ST3GAL5: variants seen among roughly 807,000 people sequenced by gnomAD.
The protein encoded by ST3GAL5 is lactosylceramide alpha-2,3-sialyltransferase.
Under a neutral mutation model 46.1 loss-of-function variants are expected in ST3GAL5, and 25 were observed. The ratio of observed to expected loss-of-function variants is 0.54; its 90% CI spans 0.40 to 0.76. ST3GAL5 has a LOEUF of 0.76. Ranked by LOEUF, ST3GAL5 falls within the 30% of genes least tolerant of loss-of-function variation. The pLI, the probability that ST3GAL5 is intolerant of heterozygous loss-of-function variation, is 0.00. For synonymous variants in ST3GAL5, 182 were observed against 192.7 expected (o/e 0.94, Z 0.46); for missense variants, 431 against 521.2 (o/e 0.83, Z 1.69).
chr2:85,875,296 G>A (rs1053211597), intron 1 of ST3GAL5: 4 of 150,802 alleles, frequency 2.7e-5, no homozygotes, highest in Non-Finnish European at 5.9e-5. Flanking sequence ...CTGGCCCCAA[G>A]CAATCCTCCC....
At chr2:85,860,941 G>T in intron 3 of ST3GAL5, 1 of 514,016 alleles carries the variant, frequency 1.9e-6, no homozygotes, top group African/African-American at 1.9e-5. Context: ...CTGTTGGGTT[G>T]AGCCCACCTC....
intron 1 of ST3GAL5, among the ~76,000 whole-genome samples, chr2:85,885,689 G>C (rs1405150043): frequency 6.6e-6 from 1 of 152,102 alleles, no homozygotes; most frequent in African/African-American, 2.4e-5. Flanking sequence ...TTAGCCGGGC[G>C]AGGTGGCAGG....
intron 4 of ST3GAL5, chr2:85,846,866 C>T (rs937806951): frequency 6.6e-6 from 2 of 302,962 alleles, no homozygotes; most frequent in African/African-American, 4.3e-5. Context: ...AGTAAAATAT[C>T]CTCAGAAATT....
intron 1 of ST3GAL5, chr2:85,887,398 C>A: frequency 6.6e-6 from 1 of 152,300 alleles, no homozygotes. Context: ...TCATGCCTTC[C>A]TATCTCACCT....
intron 3 of ST3GAL5, among the ~76,000 whole-genome samples, chr2:85,852,158 T>C (rs1159376564): frequency 6.6e-6 from 1 of 152,234 alleles, no homozygotes; most frequent in Non-Finnish European, 1.5e-5. Flanking sequence ...AATGTTCTAT[T>C]GCACTTATTA....
chr2:85,887,477 AC>A (rs1460866276), intron 1 of ST3GAL5: 2 of 152,202 alleles, frequency 1.3e-5, no homozygotes, highest in African/African-American at 4.8e-5. Flanking sequence ...ATTTCATCTT[AC>A]AAAAACAGCA....
In ST3GAL5 at chr2:85,888,880, G is replaced by C. The variant is rs1297672649; in HGVS notation, c.26C>G (p.Ala9Gly). Residue 9 changes from alanine (A) to glycine (G), a missense_variant, in exon 1 of 7, where the codon GCG (alanine) becomes GGG (glycine). Coordinates refer to ENST00000638572, the MANE Select transcript of ST3GAL5 (RefSeq NM_003896.4). MRTKAAGC[A>G]ERRPLQPRTE... ...CCGCGGCTGCAGGGGACGCCGCTCC[G>C]CGCAGCCCGCCGCCTTCGTCCGCAT... The C allele has an allele frequency of 1.5e-6, 2 of 1,372,058 alleles. No individual in the cohort carries two copies. The highest frequency in any genetic ancestry group is 1.9e-6 in the Non-Finnish European group (2 of 1,055,552). 85.0% of individuals were successfully genotyped at this position (1,372,058 alleles called of 1,614,324 possible). A position where few individuals can be genotyped will look rare whatever the true frequency, so the allele number is the denominator to read the frequency against.
Position 85,852,742 on chromosome 2 carries a change from G to T in ST3GAL5, c.319-4538C>A. 6 of 535,602 alleles carry T rather than the reference G, an allele frequency of 1.1e-5. 1 individual carries two copies. The highest frequency in any genetic ancestry group is 7.6e-5 in the South Asian group (4 of 52,482). The allele number at this position is 535,602 out of a possible 1,614,324, so 33.2% of individuals were successfully genotyped here. A position where few individuals can be genotyped will look rare whatever the true frequency, so the allele number is the denominator to read the frequency against. On this transcript the variant is annotated intron_variant, in intron 3 of 6. Coordinates refer to ENST00000638572, the MANE Select transcript of ST3GAL5 (RefSeq NM_003896.4). ...TTATGTAGATTTCATCCCATCAACTGTTAGAAAAAAAAATAATCAGGAGAT... is the reference window on the plus strand; with the variant it reads ...TTATGTAGATTTCATCCCATCAACTTTTAGAAAAAAAAATAATCAGGAGAT...
Position 85,864,980 on chromosome 2 carries a change from T to C in ST3GAL5, c.83-1495A>G, listed in dbSNP as rs143009576. On this transcript the variant is annotated intron_variant, in intron 1 of 6. Transcript: ENST00000638572. The stretch of plus-strand genomic sequence containing the variant: ...TGCCTCCTGACTGAAATATGGACCA[T>C]GATCTGCCACTCTGGACCACACAGA... Among the ~76,000 whole-genome samples, 13 of 152,274 alleles carry C rather than the reference T, an allele frequency of 8.5e-5. 1 individual carries two copies. The East Asian group carries it at 2.5e-3, about 29-fold the overall frequency.
chr2:85,881,925 C>G (rs912235816), intron 1 of ST3GAL5, among the ~76,000 whole-genome samples: 4 of 152,238 alleles, frequency 2.6e-5, no homozygotes, highest in East Asian at 1.9e-4. Flanking sequence ...TCACAGCAGT[C>G]CCTCCCATCA....
intron 1 of ST3GAL5, among the ~76,000 whole-genome samples, chr2:85,873,434 T>C (rs1686172539): frequency 6.6e-6 from 1 of 151,956 alleles, no homozygotes; most frequent in Admixed American, 6.6e-5. Flanking sequence ...GAAGGGGACA[T>C]GAAACGTGGA....
chr2:85,874,298 C>T (rs1180692172), intron 1 of ST3GAL5, among the ~76,000 whole-genome samples: 3 of 152,156 alleles, frequency 2.0e-5, no homozygotes, highest in African/African-American at 7.2e-5. Flanking sequence ...ACTATATGAA[C>T]ATTCTCTAAA....
chr2:85,887,699 T>A (rs1687903702), intron 1 of ST3GAL5: 1 of 152,298 alleles, frequency 6.6e-6, no homozygotes, highest in Non-Finnish European at 1.5e-5. Context: ...TATTCAAGTC[T>A]GTGCCCCTTC....
intron 3 of ST3GAL5, among the ~76,000 whole-genome samples, chr2:85,857,680 C>A (rs772747866): frequency 1.3e-5 from 2 of 152,114 alleles, no homozygotes; most frequent in Non-Finnish European, 1.5e-5. Flanking sequence ...GGAACCAAGT[C>A]ATGAACGGTC....
chr2:85,868,787 T>G (rs1685579025), intron 1 of ST3GAL5, among the ~76,000 whole-genome samples: 1 of 151,818 alleles, frequency 6.6e-6, no homozygotes, highest in Non-Finnish European at 1.5e-5. Flanking sequence ...CCTGGCTAAT[T>G]TTTGTATTTT....
chr2:85,846,219 C>CT, intron 5 of ST3GAL5, 158 bp downstream of exon 5: 1 of 717,412 alleles, frequency 1.4e-6, no homozygotes, highest in Non-Finnish European at 2.4e-6. Flanking sequence ...AAAAGAATTG[C>CT]TGAGGGGTTT....
chr2:85,844,378 G>A lies in ST3GAL5; in HGVS notation c.1008+18C>T, dbSNP rs765012700. 1 of 1,614,148 alleles carries A rather than the reference G, an allele frequency of 6.2e-7. No homozygotes were observed. Among genetic ancestry groups the A allele is most frequent in the Non-Finnish European group, 8.5e-7 (1 of 1,180,018 alleles). The stretch of plus-strand genomic sequence containing the variant: ...CCTCAAACAGGGAATGATTAACTTT[G>A]AGTAGCAACAAAAATACCTTATCTC... On this transcript the variant is annotated intron_variant, in intron 6 of 6. Coordinates refer to ENST00000638572, the MANE Select transcript of ST3GAL5 (RefSeq NM_003896.4).
At chr2:85,859,399 C>T (rs376669843) in intron 3 of ST3GAL5, among the ~76,000 whole-genome samples, 2 of 152,188 alleles carry the variant, frequency 1.3e-5, no homozygotes, top group East Asian at 3.8e-4. Flanking sequence ...TCCAAGAGAG[C>T]TGTGAAGCGC....
intron 6 of ST3GAL5, among the ~76,000 whole-genome samples, chr2:85,841,038 AT>A (rs372605337): frequency 5.4e-5 from 8 of 148,878 alleles, no homozygotes; most frequent in South Asian, 2.2e-4. Flanking sequence ...AAAAAAAAAA[AT>A]AAAAAAAAAA....
Sources: gnomAD v4.1 joint callset for allele counts (sites outside exome capture counted in the v4.1 genomes callset) on GRCh38, gnomAD v4.1.1 for gene constraint, MANE v1.5 for transcripts, NCBI Gene and HGNC (gene_info 2026-07-23, HGNC 2026-07-21) for gene names.